FGF14: variants seen among roughly 807,000 people sequenced by gnomAD.
FGF14 encodes the protein fibroblast growth factor homologous factor 4.
A neutral mutation model predicts 25.5 loss-of-function variants in FGF14; 5 were observed. That is an observed-to-expected ratio of 0.20 (90% CI 0.10 to 0.41). The LOEUF (loss-of-function observed/expected upper bound fraction) is 0.41, where lower values mean the gene tolerates loss of function less well. Ranked by LOEUF, FGF14 falls within the 10% of genes least tolerant of loss-of-function variation. The probability of loss-of-function intolerance (pLI) is 1.00; values close to 1 mark genes in which losing one functional copy is unlikely to be tolerated. For missense variants in FGF14, 222 were observed against 320.1 expected (o/e 0.69, Z 2.34); for synonymous variants, 138 against 118.3 (o/e 1.17, Z -1.08).
intron 1 of FGF14, among the ~76,000 whole-genome samples, chr13:102,330,059 G>A (rs552062181): frequency 1.3e-5 from 2 of 152,172 alleles, no homozygotes; most frequent in East Asian, 3.9e-4. Flanking sequence ...ACCCCAAGTG[G>A]ACCCTTAATG....
chr13:101,774,484 C>T (rs978468667), intron 3 of FGF14, among the ~76,000 whole-genome samples: 3 of 152,074 alleles, frequency 2.0e-5, no homozygotes, highest in Admixed American at 6.6e-5. Context: ...TCAATGCTTT[C>T]GTTAGCTCTT....
At chr13:102,068,903 T>C (rs910258888) in intron 1 of FGF14, among the ~76,000 whole-genome samples, 5 of 150,904 alleles carry the variant, frequency 3.3e-5, no homozygotes, top group Non-Finnish European at 1.5e-5. Flanking sequence ...GCAGCCCCAG[T>C]GCAGGATCCA....
At chr13:101,955,622 A>G (rs1471497262) in intron 1 of FGF14, among the ~76,000 whole-genome samples, 1 of 152,240 alleles carries the variant, frequency 6.6e-6, no homozygotes, top group Non-Finnish European at 1.5e-5. Flanking sequence ...CTTCACATGC[A>G]AGTCTCCTGA....
At chr13:102,357,123 G>GTTTTTT (rs5806298) in intron 1 of FGF14, among the ~76,000 whole-genome samples, 2 of 144,834 alleles carry the variant, frequency 1.4e-5, no homozygotes, top group Non-Finnish European at 3.0e-5. Flanking sequence ...CCATTATAAT[G>GTTTTTT]TTTTTTTTTT....
intron 1 of FGF14, among the ~76,000 whole-genome samples, chr13:102,175,692 T>C (rs532882536): frequency 6.6e-6 from 1 of 151,988 alleles, no homozygotes; most frequent in Non-Finnish European, 1.5e-5. Flanking sequence ...AGATCTATAA[T>C]ATGTAAGGAA....
intron 1 of FGF14, among the ~76,000 whole-genome samples, chr13:101,886,751 G>A (rs1007757655): frequency 5.3e-5 from 8 of 151,970 alleles, no homozygotes; most frequent in East Asian, 3.9e-4. Flanking sequence ...CAACAGAATG[G>A]AGACACAACC....
intron 3 of FGF14, among the ~76,000 whole-genome samples, chr13:101,853,647 G>C (rs1412618037): frequency 6.6e-6 from 1 of 151,748 alleles, no homozygotes; most frequent in Non-Finnish European, 1.5e-5. Context: ...GTAGAGACAG[G>C]GTCTCACTAT....
chr13:102,314,747 G>GA (rs1279503780), intron 1 of FGF14, among the ~76,000 whole-genome samples: 1 of 151,890 alleles, frequency 6.6e-6, no homozygotes, highest in Non-Finnish European at 1.5e-5. Context: ...CTGCTATCAG[G>GA]AAAAAAAGTC....
At chr13:101,819,627 G>A (rs1289765268) in intron 3 of FGF14, among the ~76,000 whole-genome samples, 2 of 152,218 alleles carry the variant, frequency 1.3e-5, no homozygotes, top group Non-Finnish European at 1.5e-5. Flanking sequence ...CAAAATAACT[G>A]CATCAGCAAT....
rs183706239 is a variant in FGF14, at chr13:101,719,233, T to C, written c.*3598A>G. 3.3e-5 allele frequency: 5 copies of C among 152,242 alleles called. No homozygotes were observed. Among genetic ancestry groups the C allele is most frequent in the African/African-American group, 9.6e-5 (4 of 41,558 alleles). 9.4% of individuals were successfully genotyped at this position (152,242 alleles called of 1,614,324 possible). A position where few individuals can be genotyped will look rare whatever the true frequency, so the allele number is the denominator to read the frequency against. On this transcript the variant is annotated 3_prime_UTR_variant, in exon 5 of 5. Coordinates refer to ENST00000376143, the MANE Select transcript of FGF14 (RefSeq NM_004115.4). ...CTTTTAAAGACAACCAAATCTGATA[T>C]TGTTCATCCTGATAAAAATAACAAC...
At chr13:102,305,511 T>G (rs1358753885) in intron 1 of FGF14, among the ~76,000 whole-genome samples, 2 of 152,142 alleles carry the variant, frequency 1.3e-5, no homozygotes, top group East Asian at 3.9e-4. Flanking sequence ...AGACCAGGAC[T>G]AAAACAGAAA....
intron 3 of FGF14, among the ~76,000 whole-genome samples, chr13:101,740,686 T>C (rs754381600): frequency 5.3e-5 from 8 of 152,192 alleles, no homozygotes; most frequent in Non-Finnish European, 1.0e-4. Flanking sequence ...CGTAAGAGTA[T>C]AACATAAGTT....
intron 1 of FGF14, among the ~76,000 whole-genome samples, chr13:102,032,160 T>C (rs1174352617): frequency 6.6e-6 from 1 of 152,124 alleles, no homozygotes; most frequent in Non-Finnish European, 1.5e-5. Context: ...GCACAGGACC[T>C]TACCCACTGG....
chr13:102,046,492 A>G (rs914210819), intron 1 of FGF14, among the ~76,000 whole-genome samples: 3 of 152,176 alleles, frequency 2.0e-5, no homozygotes, highest in Admixed American at 2.0e-4. Flanking sequence ...TGTTGCGTCA[A>G]ATAGGAAAAG....
At chr13:102,095,072 T>C (rs7338229) in intron 1 of FGF14, among the ~76,000 whole-genome samples, 59,222 of 152,070 alleles carry the variant, frequency 0.39, 13,551 homozygotes, top group Non-Finnish European at 0.51. Context: ...GTCATTGTTA[T>C]AGAAAATGCC....
chr13:102,207,946 T>C (rs935542277), intron 1 of FGF14, among the ~76,000 whole-genome samples: 4 of 152,160 alleles, frequency 2.6e-5, no homozygotes, highest in South Asian at 2.1e-4. Context: ...TTCACAAAAA[T>C]GTTTAGTGGG....
rs558120652 is a variant in FGF14 at position 101,924,955 on chromosome 13, C to T, written c.209-49659G>A. ...GATGGGTGTAGGATTATCTGATTCC[C>T]CTGAAATTTATGCTGAAAAAAAGGT... On this transcript the variant is annotated intron_variant, in intron 1 of 4. Transcript: ENST00000376131. 1.2e-4 allele frequency among the ~76,000 whole-genome samples: 18 copies of T among 152,110 alleles called. 1 individual carries two copies. The South Asian group carries it at 3.7e-3, about 32-fold the overall frequency.
At chr13:102,274,903 A>T (rs186171518) in intron 1 of FGF14, among the ~76,000 whole-genome samples, 3 of 151,350 alleles carry the variant, frequency 2.0e-5, no homozygotes, top group Admixed American at 6.6e-5. Context: ...AATAAATAAT[A>T]AATAATTATT....
At chr13:101,839,544 GT>G (rs890628803) in intron 3 of FGF14, among the ~76,000 whole-genome samples, 6 of 152,074 alleles carry the variant, frequency 3.9e-5, no homozygotes, top group African/African-American at 1.4e-4. Context: ...TGTAATTTTT[GT>G]GGGTAAATAG....
Sources: gnomAD v4.1 joint callset for allele counts (sites outside exome capture counted in the v4.1 genomes callset) on GRCh38, gnomAD v4.1.1 for gene constraint, MANE v1.5 for transcripts, NCBI Gene and HGNC (gene_info 2026-07-23, HGNC 2026-07-21) for gene names.